KMT2C: variants seen among roughly 807,000 people sequenced by gnomAD.
KMT2C encodes the protein lysine methyltransferase 2C, also known as histone-lysine N-methyltransferase 2C.
KMT2C carries 88 observed loss-of-function variants against 507.9 expected under a neutral mutation model. The ratio of observed to expected loss-of-function variants is 0.17; its 90% CI spans 0.15 to 0.21. The LOEUF (loss-of-function observed/expected upper bound fraction) is 0.21. KMT2C is among the 10% of genes least tolerant of loss of function. KMT2C has a pLI of 1.00. For missense variants in KMT2C, 4,954 were observed against 5,957.8 expected (o/e 0.83, Z 5.55); for synonymous variants, 2,049 against 2,080.8 (o/e 0.98, Z 0.42).
chr7:152,333,454 A>T (rs560193192), intron 2 of KMT2C, among the ~76,000 whole-genome samples: 1 of 152,306 alleles, frequency 6.6e-6, no homozygotes, highest in South Asian at 2.1e-4. Flanking sequence ...AGAACTTATT[A>T]TCCACATTTC....
At chr7:152,302,818 T>A (rs999845980) in intron 6 of KMT2C, among the ~76,000 whole-genome samples, 5 of 151,848 alleles carry the variant, frequency 3.3e-5, no homozygotes, top group African/African-American at 1.2e-4. Context: ...ATTTTTATAT[T>A]TTTTTAGTAG....
chr7:152,239,953 T>C (rs1326214151), intron 14 of KMT2C, among the ~76,000 whole-genome samples: 5 of 152,238 alleles, frequency 3.3e-5, no homozygotes, highest in Admixed American at 1.3e-4. Flanking sequence ...GGGTAAGAGA[T>C]AGGTAATGGA....
intron 2 of KMT2C, among the ~76,000 whole-genome samples, chr7:152,356,437 G>A (rs191911710): frequency 2.9e-4 from 44 of 152,042 alleles, no homozygotes; most frequent in African/African-American, 9.2e-4. Context: ...TTAGCCGGGC[G>A]TGGTGGCGGG....
intron 2 of KMT2C, among the ~76,000 whole-genome samples, chr7:152,357,175 C>T (rs1210172078): frequency 4.0e-5 from 6 of 148,900 alleles, no homozygotes; most frequent in Non-Finnish European, 7.4e-5. Context: ...TGCAGTGAGC[C>T]GAGATCACAC....
At chr7:152,374,884 CAAA>C (rs71198779) in intron 1 of KMT2C, among the ~76,000 whole-genome samples, 2 of 77,614 alleles carry the variant, frequency 2.6e-5, no homozygotes, top group Non-Finnish European at 6.2e-5. Context: ...CTCTGTCTCT[CAAA>C]AAAAAAAAAA....
At position 152,154,160 on chromosome 7, in the gene KMT2C, G is replaced by GA. The variant is rs761956952; in HGVS notation, c.12140-15dup. 21 of 1,603,020 alleles carry GA rather than the reference G, an allele frequency of 1.3e-5. No homozygotes were observed. Among genetic ancestry groups the GA allele is most frequent in the East Asian group, 1.1e-4 (5 of 44,826 alleles). ...TTGATTCTGAACCTTTAAAAAGAGA[G>GA]AAAAAAAAGAGGAAAATAGTGTTAA... On this transcript the variant is annotated splice_polypyrimidine_tract_variant and intron_variant, in intron 47 of 58. Coordinates refer to ENST00000262189, the MANE Select transcript of KMT2C (RefSeq NM_170606.3).
At chr7:152,344,365 G>A (rs1238330869) in intron 2 of KMT2C, among the ~76,000 whole-genome samples, 1 of 152,112 alleles carries the variant, frequency 6.6e-6, no homozygotes, top group East Asian at 1.9e-4. Flanking sequence ...TGGATGTGCT[G>A]GACCAAGAGA....
rs1214001378 is a variant in KMT2C at position 152,162,453 on chromosome 7, G to A, written c.11124C>T (p.Ser3708=). 4 of 1,614,110 alleles carry A rather than the reference G, an allele frequency of 2.5e-6. No individual in the cohort carries two copies. Among genetic ancestry groups the A allele is most frequent in the Non-Finnish European group, 3.4e-6 (4 of 1,180,048 alleles). ...CTTCTGTTTTGGCAGGGGTTTCCAT[G>A]GAGAGCTTGTCTACTTCTGAATTTG... is the stretch of plus-strand genomic sequence containing the variant. ...TYANSEVDKL[S]METPAKTEEI... is the part of the protein sequence containing the mutation. Residue 3708 remains serine (S), a synonymous_variant, in exon 43 of 59, where the codon TCC becomes TCT. Coordinates refer to ENST00000262189, the MANE Select transcript of KMT2C (RefSeq NM_170606.3).
Position 152,176,973 on chromosome 7 carries a change from A to G in KMT2C, c.8480T>C (p.Leu2827Pro). The change falls in exon 38 of 59, where the codon CTG becomes CCG. Residue 2827 changes from leucine (L) to proline (P), a missense_variant. Physicochemically the swap from Leu to Pro is moderately conservative, Grantham distance 98. Transcript: ENST00000262189. ...TVTNEVKTEV[L>P]SPNSKVESKC... ...GGATTCCACCTTAGAATTTGGAGAC[A>G]GTACTTCCGTTTTTACCTCATTGGT... 6.2e-7 allele frequency: 1 copy of G among 1,614,100 alleles called. No homozygotes were observed. Among genetic ancestry groups the G allele is most frequent in the South Asian group, 1.1e-5 (1 of 91,082 alleles).
intron 1 of KMT2C, among the ~76,000 whole-genome samples, chr7:152,426,030 A>G: frequency 6.6e-6 from 1 of 151,990 alleles, no homozygotes; most frequent in East Asian, 1.9e-4. Context: ...GAATAATATT[A>G]CTACATATAC....
chr7:152,144,383 C>G lies in KMT2C; in HGVS notation c.14343+330G>C, dbSNP rs1041874536. On this transcript the variant is annotated intron_variant, in intron 55 of 58. Transcript: ENST00000262189. The surrounding 1 kb of genome is among the most constrained non-coding windows in gnomAD (Gnocchi z 4.4). Reference sequence around the variant, plus strand: ...TTGGAAAATATTTTCATTTGTATTTCTCTCAAGTGCTTGAAACAGCTCTAC... The same window carrying G: ...TTGGAAAATATTTTCATTTGTATTTGTCTCAAGTGCTTGAAACAGCTCTAC... Among the ~76,000 whole-genome samples the G allele has an allele frequency of 6.6e-6, 1 of 152,186 alleles. No individual in the cohort carries two copies.
chr7:152,396,476 A>G (rs1487299589), intron 1 of KMT2C, among the ~76,000 whole-genome samples: 2 of 152,112 alleles, frequency 1.3e-5, no homozygotes, highest in Admixed American at 6.6e-5. Context: ...AATAGTTTTC[A>G]TTTTCATTGT....
At chr7:152,266,737 A>G (rs1417745247) in intron 7 of KMT2C, among the ~76,000 whole-genome samples, 1 of 152,304 alleles carries the variant, frequency 6.6e-6, no homozygotes, top group Admixed American at 6.5e-5. Context: ...AGTCTCTGAC[A>G]AAAAGTCAGA....
Position 152,199,307 on chromosome 7 carries a change from G to A in KMT2C, c.4245C>T (p.Ser1415=), listed in dbSNP as rs772037783. The change falls in exon 27 of 59, where the codon TCC becomes TCT. Residue 1415 remains serine (S), a synonymous_variant. Transcript: ENST00000262189. ...GAGTTCCAGATTTTGTTGGAGCCGA[G>A]GATGAACTAAGTAGTGGATCTAAGG... is the stretch of plus-strand genomic sequence containing the variant. ...DPSLDPLLSS[S]SAPTKSGTHG... is the part of the protein sequence containing the mutation. 6.3e-7 allele frequency: 1 copy of A among 1,596,876 alleles called. No individual in the cohort carries two copies. Among genetic ancestry groups the A allele is most frequent in the Non-Finnish European group, 8.5e-7 (1 of 1,174,290 alleles).
At chr7:152,201,209 G>A (rs2094125952) in intron 26 of KMT2C, among the ~76,000 whole-genome samples, 1 of 151,670 alleles carries the variant, frequency 6.6e-6, no homozygotes, top group African/African-American at 2.4e-5. Flanking sequence ...ATAACATAAA[G>A]AGGGGGCTCC....
intron 23 of KMT2C, among the ~76,000 whole-genome samples, chr7:152,212,344 A>C (rs1346477993): frequency 6.6e-6 from 1 of 152,242 alleles, no homozygotes; most frequent in African/African-American, 2.4e-5. Context: ...GAAAGACTGA[A>C]AGCTTTTCTT....
intron 6 of KMT2C, among the ~76,000 whole-genome samples, chr7:152,308,750 G>T (rs899198182): frequency 6.6e-6 from 1 of 150,690 alleles, no homozygotes; most frequent in Non-Finnish European, 1.5e-5. Flanking sequence ...ACTTTGAGAG[G>T]CCAAGAAGAG....
chr7:152,387,602 C>G (rs1244497236), intron 1 of KMT2C, among the ~76,000 whole-genome samples: 2 of 151,914 alleles, frequency 1.3e-5, no homozygotes. Flanking sequence ...TCCCAAGTAG[C>G]TGGGACTACA....
chr7:152,156,352 G>A lies in KMT2C; in HGVS notation c.11671-6C>T. On this transcript the variant is annotated splice_region_variant and splice_polypyrimidine_tract_variant and intron_variant, in intron 44 of 58. Transcript: ENST00000262189. Reference sequence around the variant, plus strand: ...GGATTACTTAAATTATTCTGCTGCAGGAGACCAAAAAATTTAAATTATATG... The same window carrying A: ...GGATTACTTAAATTATTCTGCTGCAAGAGACCAAAAAATTTAAATTATATG... The A allele has an allele frequency of 6.2e-7, 1 of 1,613,282 alleles. No individual in the cohort carries two copies. Among genetic ancestry groups the A allele is most frequent in the Non-Finnish European group, 8.5e-7 (1 of 1,179,642 alleles).
Sources: allele counts gnomAD v4.1 joint callset (sites outside exome capture counted in the v4.1 genomes callset), GRCh38; gene constraint gnomAD v4.1.1; non-coding constraint Gnocchi (gnomAD v3.1); transcripts MANE v1.5; gene names NCBI Gene and HGNC (gene_info 2026-07-23, HGNC 2026-07-21).